The following CPNE4 variants were observed in gnomAD, a reference collection of about 807,000 sequenced individuals.
The protein encoded by CPNE4 is copine-4.
A neutral mutation model predicts 67.9 loss-of-function variants in CPNE4; 25 were observed. That is an observed-to-expected ratio of 0.37 (90% CI 0.27 to 0.51). The LOEUF (loss-of-function observed/expected upper bound fraction) is 0.51. Among genes scored for constraint, CPNE4 ranks in the 20% least tolerant of loss-of-function variants. The probability of loss-of-function intolerance (pLI) is 0.93; values close to 1 mark genes in which losing one functional copy is unlikely to be tolerated. For synonymous variants in CPNE4, 242 were observed against 244.9 expected (o/e 0.99, Z 0.11); for missense variants, 464 against 690.8 (o/e 0.67, Z 3.68).
chr3:131,872,195 T>TAG (rs201339189), intron 2 of CPNE4, among the ~76,000 whole-genome samples: 26 of 150,466 alleles, frequency 1.7e-4, no homozygotes, highest in South Asian at 1.7e-3. Context: ...TGTGTGTGTG[T>TAG]AGAGAGAGAG....
intron 2 of CPNE4, among the ~76,000 whole-genome samples, chr3:131,844,743 GTTA>G (rs1247310906): frequency 2.6e-5 from 4 of 152,106 alleles, no homozygotes; most frequent in Non-Finnish European, 5.9e-5. Context: ...CAGTTAAGGT[GTTA>G]TTATCATTTT....
At chr3:131,800,373 T>C (rs1339908044) in intron 2 of CPNE4, among the ~76,000 whole-genome samples, 1 of 152,268 alleles carries the variant, frequency 6.6e-6, no homozygotes, top group East Asian at 1.9e-4. Context: ...ACAAGCTTCT[T>C]GAAGACAGCT....
In CPNE4 at chr3:131,801,450, G is replaced by GTATATA. The variant is rs1233533120; in HGVS notation, c.181-77826_181-77825insTATATA. 5.2e-3 allele frequency among the ~76,000 whole-genome samples: 204 copies of GTATATA among 39,554 alleles called. 1 individual carries two copies. The highest frequency in any genetic ancestry group is 0.017 in the African/African-American group (189 of 11,336). The allele number at this position is 39,554 out of a possible 152,430, so 25.9% of individuals were successfully genotyped here. On this transcript the variant is annotated intron_variant, in intron 2 of 15. Transcript: ENST00000429747. The stretch of plus-strand genomic sequence containing the variant: ...TGTGTGTGTGTGTGTGTGTGTGTGT[G>GTATATA]TGTATATATATATATATATATATAT...
At chr3:131,660,776 A>C (rs1424669730) in intron 7 of CPNE4, among the ~76,000 whole-genome samples, 1 of 152,112 alleles carries the variant, frequency 6.6e-6, no homozygotes, top group Non-Finnish European at 1.5e-5. Context: ...TTCACCAAAA[A>C]TCTGTTTCCT....
chr3:131,930,547 C>T lies in CPNE4; in HGVS notation c.-1-25103G>A, dbSNP rs574028796. On this transcript the variant is annotated intron_variant, in intron 1 of 15. Coordinates refer to ENST00000429747, the MANE Select transcript of CPNE4 (RefSeq NM_130808.3). ...TAATAAATGTGAGAATATCTAATTG[C>T]ACAACTGTCCTTGGTACATTTTATA... 1.9e-4 allele frequency among the ~76,000 whole-genome samples: 29 copies of T among 152,250 alleles called. No individual in the cohort carries two copies. The South Asian group carries it at 6.0e-3, about 32-fold the overall frequency.
chr3:131,866,913 C>T (rs2086976896), intron 2 of CPNE4, among the ~76,000 whole-genome samples: 1 of 152,088 alleles, frequency 6.6e-6, no homozygotes, highest in Non-Finnish European at 1.5e-5. Context: ...GAACACGTTG[C>T]TGGGACAAAG....
intron 8 of CPNE4, among the ~76,000 whole-genome samples, chr3:131,585,915 A>C (rs889697858): frequency 7.9e-5 from 12 of 152,158 alleles, no homozygotes; most frequent in African/African-American, 2.9e-4. Flanking sequence ...CTGAGTACCT[A>C]ACAGAGCATT....
Position 131,723,435 on chromosome 3 carries a change from T to C in CPNE4, c.360+11A>G. ...ATGGCAAGGAGGAGGAAGGGATGTCTGTTGACCCACCTGGCCAAGTGTGCA... is the reference window on the plus strand; with the variant it reads ...ATGGCAAGGAGGAGGAAGGGATGTCCGTTGACCCACCTGGCCAAGTGTGCA... On this transcript the variant is annotated intron_variant, in intron 3 of 15. Coordinates refer to ENST00000429747, the MANE Select transcript of CPNE4 (RefSeq NM_130808.3). 6.2e-7 allele frequency: 1 copy of C among 1,611,406 alleles called. No homozygotes were observed. The highest frequency in any genetic ancestry group is 8.5e-7 in the Non-Finnish European group (1 of 1,179,172).
intron 1 of CPNE4, among the ~76,000 whole-genome samples, chr3:131,918,844 T>C (rs1050349925): frequency 1.3e-5 from 2 of 152,126 alleles, no homozygotes; most frequent in African/African-American, 2.4e-5. Flanking sequence ...AGAAGACACA[T>C]GAAACACATT....
Position 131,981,667 on chromosome 3 carries a change from TGTA to T in CPNE4, c.-2+52897_-2+52899del, listed in dbSNP as rs1170108099. Reference sequence around the variant, plus strand: ...TGAGCTATAGATATGCTTCTCCCCGTGTAGTTTTACCCAGTGCTCATCTCGCGT... The same window carrying T: ...TGAGCTATAGATATGCTTCTCCCCGTGTTTTACCCAGTGCTCATCTCGCGT... On this transcript the variant is annotated intron_variant, in intron 1 of 15. Coordinates refer to ENST00000429747, the MANE Select transcript of CPNE4 (RefSeq NM_130808.3). 3.3e-5 allele frequency among the ~76,000 whole-genome samples: 5 copies of T among 152,274 alleles called. No individual in the cohort carries two copies. The East Asian group carries it at 9.7e-4, about 29-fold the overall frequency.
intron 6 of CPNE4, among the ~76,000 whole-genome samples, chr3:131,681,206 G>A (rs557225368): frequency 9.2e-5 from 14 of 152,212 alleles, no homozygotes; most frequent in African/African-American, 3.4e-4. Context: ...ATAATATTCT[G>A]TGTTTTTCTG....
At chr3:131,690,635 G>A (rs2081012576) in intron 5 of CPNE4, among the ~76,000 whole-genome samples, 1 of 151,926 alleles carries the variant, frequency 6.6e-6, no homozygotes, top group Admixed American at 6.6e-5. Flanking sequence ...CCTTGGCAAA[G>A]AATTTATGTC....
rs552385589 is a variant in CPNE4, at chr3:131,814,754, G to A, written c.180+90510C>T. 1.2e-4 allele frequency among the ~76,000 whole-genome samples: 17 copies of A among 144,222 alleles called. 1 individual carries two copies. The highest frequency in any genetic ancestry group is 2.1e-4 in the South Asian group (1 of 4,658). The allele number at this position is 144,222 out of a possible 152,430, so 94.6% of individuals were successfully genotyped here. A position where few individuals can be genotyped will look rare whatever the true frequency, so the allele number is the denominator to read the frequency against. ...CAAGTAGCTGGGACTACAGGCGCCCGCCACTACGCCCGGCTAATTTTTTGT... is the reference window on the plus strand; with the variant it reads ...CAAGTAGCTGGGACTACAGGCGCCCACCACTACGCCCGGCTAATTTTTTGT... On this transcript the variant is annotated intron_variant, in intron 2 of 15. Coordinates refer to ENST00000429747, the MANE Select transcript of CPNE4 (RefSeq NM_130808.3).
chr3:131,801,452 GTATA>G (rs71136416), intron 2 of CPNE4, among the ~76,000 whole-genome samples: 706 of 53,322 alleles, frequency 0.013, 23 homozygotes, highest in African/African-American at 0.046. Context: ...GTGTGTGTGT[GTATA>G]TATATATATA....
chr3:131,828,737 G>T (rs912989816), intron 2 of CPNE4, among the ~76,000 whole-genome samples: 3 of 152,142 alleles, frequency 2.0e-5, no homozygotes, highest in Admixed American at 6.6e-5. Context: ...GGAGCCTGAG[G>T]TGAGAGGATC....
chr3:131,679,876 T>C (rs1431247821), intron 6 of CPNE4, among the ~76,000 whole-genome samples: 1 of 152,164 alleles, frequency 6.6e-6, no homozygotes, highest in East Asian at 1.9e-4. Flanking sequence ...GTAAGTGCCA[T>C]GTGGTGGTGA....
intron 10 of CPNE4, among the ~76,000 whole-genome samples, chr3:131,572,582 C>T (rs1937392315): frequency 6.6e-6 from 1 of 151,836 alleles, no homozygotes; most frequent in South Asian, 2.1e-4. Flanking sequence ...CTTCCTGGGG[C>T]ACAGAAGGGA....
At chr3:131,836,116 G>A (rs997439838) in intron 2 of CPNE4, among the ~76,000 whole-genome samples, 13 of 152,172 alleles carry the variant, frequency 8.5e-5, no homozygotes, top group African/African-American at 3.1e-4. Context: ...CCTCTGGGTA[G>A]CAGTGCACAA....
At chr3:131,584,391 G>A (rs1222102121) in intron 8 of CPNE4, among the ~76,000 whole-genome samples, 1 of 152,064 alleles carries the variant, frequency 6.6e-6, no homozygotes, top group Admixed American at 6.5e-5. Context: ...TCAGGAAATG[G>A]CACAATTTAA....
Sources: gnomAD v4.1 joint callset for allele counts (sites outside exome capture counted in the v4.1 genomes callset) on GRCh38, gnomAD v4.1.1 for gene constraint, MANE v1.5 for transcripts, NCBI Gene and HGNC (gene_info 2026-07-23, HGNC 2026-07-21) for gene names.